UBXN8: variants seen among roughly 807,000 people sequenced by gnomAD.
UBXN8 encodes UBX domain-containing protein 8.
Under a neutral mutation model 32.1 loss-of-function variants are expected in UBXN8, and 27 were observed. The observed-to-expected ratio is 0.84, with a 90% CI of 0.62 to 1.16. The LOEUF (loss-of-function observed/expected upper bound fraction) is 1.16. UBXN8 is among the 50% of genes most tolerant of loss of function. UBXN8 has a pLI of 0.00. For synonymous variants in UBXN8, 109 were observed against 111.8 expected (o/e 0.98, Z 0.16); for missense variants, 306 against 311.4 (o/e 0.98, Z 0.13).
At chr8:30,731,028 GC>G (rs1273735926), upstream of UBXN8, among the ~76,000 whole-genome samples, 1 of 152,240 alleles carries the variant, frequency 6.6e-6, no homozygotes, top group Non-Finnish European at 1.5e-5. Context: ...GGGAAGGGGG[GC>G]CCCGGGAAAG....
chr8:30,747,499 C>T (rs1805393816), intron 1 of UBXN8, among the ~76,000 whole-genome samples: 1 of 139,328 alleles, frequency 7.2e-6, no homozygotes, highest in African/African-American at 2.8e-5. Context: ...TTAGTAGAGA[C>T]GGGGTTTCAC....
intron 5 of UBXN8, among the ~76,000 whole-genome samples, chr8:30,758,891 T>G (rs1172857538): frequency 9.1e-5 from 12 of 131,480 alleles, no homozygotes; most frequent in East Asian, 2.1e-4. Flanking sequence ...GTTTGTTTTT[T>G]TTGTTTTTTT....
chr8:30,748,966 T>A (rs1805438712), intron 1 of UBXN8, among the ~76,000 whole-genome samples: 1 of 152,194 alleles, frequency 6.6e-6, no homozygotes, highest in Non-Finnish European at 1.5e-5. Context: ...ACAAAACGAG[T>A]AAAAATTCCA....
At chr8:30,757,969 C>T (rs997296924) in intron 5 of UBXN8, among the ~76,000 whole-genome samples, 2 of 151,948 alleles carry the variant, frequency 1.3e-5, no homozygotes, top group Admixed American at 6.6e-5. Flanking sequence ...TCACTGCAGG[C>T]TCTGCCTCCT....
Position 30,760,893 on chromosome 8 carries a change from T to C in UBXN8, c.534T>C (p.Pro178=). 6.5e-7 allele frequency: 1 copy of C among 1,535,722 alleles called. No individual in the cohort carries two copies. The highest frequency in any genetic ancestry group is 2.3e-5 in the East Asian group (1 of 42,774). Residue 178 remains proline (P), a synonymous_variant, in exon 6 of 8, where the codon CCT becomes CCC. Coordinates refer to ENST00000265616, the MANE Select transcript of UBXN8 (RefSeq NM_005671.4). ...PAEQPTCKEI[P]DLPEEPSQTA... ...TTACCAATACTTTTCTTTAGATTCC[T>C]GATTTACCTGAAGAACCTTCTCAAA... is the stretch of plus-strand genomic sequence containing the variant.
Position 30,758,889 on chromosome 8 carries a change from T to G in UBXN8, c.529-1999T>G, listed in dbSNP as rs1482098661. 8.0e-4 allele frequency among the ~76,000 whole-genome samples: 105 copies of G among 130,528 alleles called. 3 individuals carry two copies. Among genetic ancestry groups the G allele is most frequent in the Middle Eastern group, 3.6e-3 (1 of 278 alleles). The allele number at this position is 130,528 out of a possible 152,430, so 85.6% of individuals were successfully genotyped here. ...TAACAAATGTTTTTTTTGTTTGTTT[T>G]TTTTGTTTTTTTTTTTTTTTTTGAG... On this transcript the variant is annotated intron_variant, in intron 5 of 7. Transcript: ENST00000265616.
upstream of UBXN8, among the ~76,000 whole-genome samples, chr8:30,742,499 G>A (rs1805230408): frequency 3.3e-5 from 5 of 152,120 alleles, no homozygotes; most frequent in South Asian, 1.0e-3. Context: ...CACAGGCTAC[G>A]CCATCACGCG....
intron 1 of UBXN8, 40 bp from the exon 2 acceptor site, chr8:30,751,356 A>T (rs574523009): frequency 1.3e-6 from 2 of 1,528,510 alleles, no homozygotes; most frequent in African/African-American, 2.8e-5. Flanking sequence ...TCTTAAAAAA[A>T]AAGTTTTGAA....
At chr8:30,738,785 T>C (rs1225818835) in intron 1 of UBXN8, among the ~76,000 whole-genome samples, 1 of 150,666 alleles carries the variant, frequency 6.6e-6, no homozygotes, top group Non-Finnish European at 1.5e-5. Flanking sequence ...TGAAACCTCG[T>C]ATCTACTAAA....
rs1563564660 is a variant in UBXN8 at position 30,758,899 on chromosome 8, T to TTG, written c.529-1988_529-1987insGT. Among the ~76,000 whole-genome samples, 6 of 134,808 alleles carry TTG rather than the reference T, an allele frequency of 4.5e-5. 1 individual carries two copies. Among genetic ancestry groups the TTG allele is most frequent in the African/African-American group, 8.6e-5 (3 of 35,020 alleles). The allele number at this position is 134,808 out of a possible 152,430, so 88.4% of individuals were successfully genotyped here. A position where few individuals can be genotyped will look rare whatever the true frequency, so the allele number is the denominator to read the frequency against. ...TTTTTTTGTTTGTTTTTTTTGTTTT[T>TTG]TTTTTTTTTTTTGAGACGGAGTCTC... On this transcript the variant is annotated intron_variant, in intron 5 of 7. Transcript: ENST00000265616.
In UBXN8 at chr8:30,749,992, A is replaced by G. The variant is rs7828494; in HGVS notation, c.89-1404A>G. 7.4e-3 allele frequency among the ~76,000 whole-genome samples: 1,126 copies of G among 152,300 alleles called. 18 individuals carry two copies. The highest frequency in any genetic ancestry group is 0.025 in the African/African-American group (1,050 of 41,552). ...CTTATACATTACTGATATTCATAATATAGTGTAGCTGATCGCTCTAATTGT... is the reference window on the plus strand; with the variant it reads ...CTTATACATTACTGATATTCATAATGTAGTGTAGCTGATCGCTCTAATTGT... On this transcript the variant is annotated intron_variant, in intron 1 of 7. Coordinates refer to ENST00000265616, the MANE Select transcript of UBXN8 (RefSeq NM_005671.4).
intron 5 of UBXN8, among the ~76,000 whole-genome samples, chr8:30,759,597 C>T (rs1805769847): frequency 6.6e-6 from 1 of 151,688 alleles, no homozygotes; most frequent in South Asian, 2.1e-4. Context: ...ACAAAAGCAA[C>T]CAAAGTGAAT....
intron 1 of UBXN8, chr8:30,733,936 T>C (rs1054903144): frequency 2.0e-5 from 3 of 152,176 alleles, no homozygotes; most frequent in Non-Finnish European, 2.9e-5. Flanking sequence ...GAGAAAAGGA[T>C]AGAGATGGAG....
At chr8:30,744,416 C>T (rs1180622949) in intron 1 of UBXN8, 139 bp downstream of exon 1, 10 of 793,678 alleles carry the variant, frequency 1.3e-5, no homozygotes, top group East Asian at 1.1e-4. Flanking sequence ...CCCTGCCCCC[C>T]CACTTCCGGA....
chr8:30,739,299 C>T (rs10099235), upstream of UBXN8, among the ~76,000 whole-genome samples: 4,454 of 151,050 alleles, frequency 0.029, 289 homozygotes, highest in African/African-American at 0.1. Flanking sequence ...AATCCCAGCA[C>T]TTTGGGAGGC....
chr8:30,763,258 A>T lies in UBXN8; in HGVS notation c.571-15A>T, dbSNP rs377664623. The T allele has an allele frequency of 8.7e-6, 14 of 1,613,472 alleles. No individual in the cohort carries two copies. In the Admixed American group the frequency reaches 2.3e-4, roughly 27 times the overall value. ...GCAATGGATCGGAGTTCTTATGTGA[A>T]TATTTCTTCCTTAGGTAGTTACTGT... On this transcript the variant is annotated splice_polypyrimidine_tract_variant and intron_variant, in intron 6 of 7. Coordinates refer to ENST00000265616, the MANE Select transcript of UBXN8 (RefSeq NM_005671.4).
chr8:30,760,255 T>G (rs1805794371), intron 5 of UBXN8, among the ~76,000 whole-genome samples: 1 of 149,348 alleles, frequency 6.7e-6, no homozygotes, highest in Non-Finnish European at 1.5e-5. Flanking sequence ...GAGACGGGGT[T>G]TCACCATGTG....
upstream of UBXN8, chr8:30,732,551 G>A (rs1371332194): frequency 3.3e-6 from 1 of 305,938 alleles, no homozygotes; most frequent in East Asian, 5.4e-5. Context: ...CTTTGTATGA[G>A]GTCACAAAGG....
At chr8:30,733,730 C>T (rs1805018654) in intron 1 of UBXN8, 1 of 152,304 alleles carries the variant, frequency 6.6e-6, no homozygotes, top group East Asian at 1.9e-4. Context: ...GGGTCTCAAA[C>T]TCCTTTCCTA....
Sources: gnomAD v4.1 joint callset for allele counts (sites outside exome capture counted in the v4.1 genomes callset) on GRCh38, gnomAD v4.1.1 for gene constraint, MANE v1.5 for transcripts, NCBI Gene and HGNC (gene_info 2026-07-23, HGNC 2026-07-21) for gene names.